Variants in FAM174B observed in about 807,000 individuals in gnomAD.
FAM174B encodes the protein membrane protein FAM174B.
A neutral mutation model predicts 10.9 loss-of-function variants in FAM174B; 12 were observed. That is an observed-to-expected ratio of 1.10 (90% CI 0.71 to 1.79). The LOEUF is 1.79. Ranked by LOEUF, FAM174B falls within the 40% of genes most tolerant of loss-of-function variation. The probability of loss-of-function intolerance (pLI) is 0.00; values close to 1 mark genes in which losing one functional copy is unlikely to be tolerated. For missense variants in FAM174B, 266 were observed against 233.3 expected (o/e 1.14, Z -0.91); for synonymous variants, 132 against 115.8 (o/e 1.14, Z -0.90).
chr15:92,619,585 G>T, intron 2 of FAM174B, 126 bp from the exon 3 acceptor site: 1 of 1,103,618 alleles, frequency 9.1e-7, no homozygotes, highest in Non-Finnish European at 1.3e-6. Flanking sequence ...CCCAGCCACA[G>T]GACCTTTGAG....
At chr15:92,623,197 C>G (rs1399940394) in intron 2 of FAM174B, among the ~76,000 whole-genome samples, 1 of 151,954 alleles carries the variant, frequency 6.6e-6, no homozygotes, top group Non-Finnish European at 1.5e-5. Flanking sequence ...CCTGCTGTCT[C>G]CCACTCTCAA....
At chr15:92,631,216 T>A (rs1246404692) in intron 1 of FAM174B, among the ~76,000 whole-genome samples, 1 of 14,652 alleles carries the variant, frequency 6.8e-5, no homozygotes, top group African/African-American at 2.8e-4. Context: ...ATATTATATA[T>A]TATATTATAT....
intron 1 of FAM174B, among the ~76,000 whole-genome samples, chr15:92,652,409 A>G (rs957686747): frequency 1.3e-5 from 2 of 152,174 alleles, no homozygotes; most frequent in Admixed American, 1.3e-4. Context: ...CAGGCCACGC[A>G]GTGCCTCCAG....
At chr15:92,625,159 T>TCCCC (rs1425453720) in intron 2 of FAM174B, among the ~76,000 whole-genome samples, 1 of 142,450 alleles carries the variant, frequency 7.0e-6, no homozygotes, top group African/African-American at 2.5e-5. Context: ...CCTCCCTCCC[T>TCCCC]CCCCAAACTC....
rs1023887426 is a variant in FAM174B, at chr15:92,619,030, A to G, written c.*426T>C. On this transcript the variant is annotated 3_prime_UTR_variant, in exon 3 of 3. Transcript: ENST00000327355. ...CCAATGTGTAGATCCAGTAGAGAAG[A>G]ATGTCGGAAATTCTAAATACACAGT... 16 of 419,574 alleles carry G rather than the reference A, an allele frequency of 3.8e-5. No individual in the cohort carries two copies. The highest frequency in any genetic ancestry group is 6.3e-5 in the Non-Finnish European group (15 of 238,888). The allele number at this position is 419,574 out of a possible 1,614,324, so 26.0% of individuals were successfully genotyped here.
Position 92,655,157 on chromosome 15 carries a change from G to A in FAM174B, c.344+159C>T, listed in dbSNP as rs1006389734. 41 of 1,039,008 alleles carry A rather than the reference G, an allele frequency of 3.9e-5. No homozygotes were observed. The African/African-American group carries it at 4.4e-4, about 11-fold the overall frequency. The allele number at this position is 1,039,008 out of a possible 1,614,324, so 64.4% of individuals were successfully genotyped here. On this transcript the variant is annotated intron_variant, in intron 1 of 2. Transcript: ENST00000327355. The stretch of plus-strand genomic sequence containing the variant: ...AGGAAAATCCAGACGAGCACACCCC[G>A]GCCCCCCACCCACTCTCCCGGGCAG...
chr15:92,645,667 G>C (rs2050921742), intron 1 of FAM174B: 1 of 152,386 alleles, frequency 6.6e-6, no homozygotes, highest in East Asian at 1.9e-4. Flanking sequence ...AAGCAGAGAA[G>C]GTAGCCCCTA....
At chr15:92,641,513 C>T (rs982336564) in intron 1 of FAM174B, among the ~76,000 whole-genome samples, 6 of 152,234 alleles carry the variant, frequency 3.9e-5, no homozygotes, top group South Asian at 2.1e-4. Context: ...AATAACCACT[C>T]AGACACACAA....
In FAM174B at chr15:92,655,629, G is replaced by C. The variant is rs1315843512; in HGVS notation, c.31C>G (p.Leu11Val). 1.6e-6 allele frequency: 2 copies of C among 1,259,872 alleles called. No individual in the cohort carries two copies. Among genetic ancestry groups the C allele is most frequent in the Non-Finnish European group, 2.0e-6 (2 of 1,007,324 alleles). 78.0% of individuals were successfully genotyped at this position (1,259,872 alleles called of 1,614,324 possible). MRAVPLPAPL[L>V]PLLLLALLAA... is the part of the protein sequence containing the mutation. ...AGGAGCGCGAGCAGCAGCAGCGGCA[G>C]GAGCGGGGCGGGCAGCGGCACGGCG... Residue 11 changes from leucine (L) to valine (V), a missense_variant, in exon 1 of 3, where the codon CTG becomes GTG. Physicochemically the swap from Leu to Val is conservative, Grantham distance 32. Coordinates refer to ENST00000327355, the MANE Select transcript of FAM174B (RefSeq NM_207446.3).
At chr15:92,638,499 G>A (rs1013119635) in intron 1 of FAM174B, among the ~76,000 whole-genome samples, 1 of 152,144 alleles carries the variant, frequency 6.6e-6, no homozygotes, top group African/African-American at 2.4e-5. Flanking sequence ...CCTCACCCAC[G>A]AAGAGAATAA....
At chr15:92,650,147 T>A (rs572067585) in intron 1 of FAM174B, among the ~76,000 whole-genome samples, 1 of 152,258 alleles carries the variant, frequency 6.6e-6, no homozygotes, top group Non-Finnish European at 1.5e-5. Flanking sequence ...ATTAAGCTTT[T>A]ATATTTTCTT....
At chr15:92,629,315 C>T (rs1206869642) in intron 2 of FAM174B, among the ~76,000 whole-genome samples, 5 of 152,210 alleles carry the variant, frequency 3.3e-5, no homozygotes, top group Admixed American at 6.5e-5. Context: ...ATTCAAAGTA[C>T]ACCTCAAAAT....
In FAM174B at chr15:92,635,097, C is replaced by CCTCT. The variant is rs548982533; in HGVS notation, c.345-4756_345-4753dup. The stretch of plus-strand genomic sequence containing the variant: ...ACATCAGCTGATTCCTTACGATAAG[C>CCTCT]CTCTCTCTCTCTCTCTTTCTCTGTC... On this transcript the variant is annotated intron_variant, in intron 1 of 2. Coordinates refer to ENST00000327355, the MANE Select transcript of FAM174B (RefSeq NM_207446.3). Among the ~76,000 whole-genome samples the CCTCT allele has an allele frequency of 7.6e-3, 704 of 93,230 alleles. 1 individual carries two copies. The highest frequency in any genetic ancestry group is 0.042 in the Middle Eastern group (7 of 166). 61.2% of individuals were successfully genotyped at this position (93,230 alleles called of 152,430 possible).
rs142000340 is a variant in FAM174B, at chr15:92,650,509, C to T, written c.344+4807G>A. 3.7e-4 allele frequency among the ~76,000 whole-genome samples: 56 copies of T among 152,284 alleles called. No individual in the cohort carries two copies. The East Asian group carries it at 9.3e-3, about 25-fold the overall frequency. On this transcript the variant is annotated intron_variant, in intron 1 of 2. Transcript: ENST00000327355. Reference sequence around the variant, plus strand: ...CTGCACCGTGGAGTTCGGAGACTCTCCAAGACTGGGAAAGGATCCCCAGGA... The same window carrying T: ...CTGCACCGTGGAGTTCGGAGACTCTTCAAGACTGGGAAAGGATCCCCAGGA...
At chr15:92,622,110 C>T (rs918304394) in intron 2 of FAM174B, among the ~76,000 whole-genome samples, 11 of 152,206 alleles carry the variant, frequency 7.2e-5, no homozygotes, top group Non-Finnish European at 1.5e-4. Flanking sequence ...AACTCTGTAC[C>T]GCTGCCATGC....
At chr15:92,619,555 C>A in intron 2 of FAM174B, 96 bp from the exon 3 acceptor site, 1 of 1,435,392 alleles carries the variant, frequency 7.0e-7, no homozygotes, top group East Asian at 2.3e-5. Context: ...ACCCTCTCAG[C>A]CAGTGAAAAG....
At chr15:92,633,510 A>G (rs1267586071) in intron 1 of FAM174B, among the ~76,000 whole-genome samples, 2 of 152,200 alleles carry the variant, frequency 1.3e-5, no homozygotes, top group Non-Finnish European at 2.9e-5. Context: ...ATGATACCCA[A>G]GCCTTATCAC....
At chr15:92,650,608 G>A (rs1482114307) in intron 1 of FAM174B, among the ~76,000 whole-genome samples, 1 of 152,214 alleles carries the variant, frequency 6.6e-6, no homozygotes, top group Admixed American at 6.5e-5. Context: ...AGACACCAGA[G>A]CGTAAAGTCA....
chr15:92,651,204 T>C (rs1432852033), intron 1 of FAM174B, among the ~76,000 whole-genome samples: 2 of 152,224 alleles, frequency 1.3e-5, no homozygotes, highest in African/African-American at 2.4e-5. Flanking sequence ...CCTCAGGCTC[T>C]GCAGATGGAA....
Sources: allele counts gnomAD v4.1 joint callset (sites outside exome capture counted in the v4.1 genomes callset), GRCh38; gene constraint gnomAD v4.1.1; transcripts MANE v1.5; gene names NCBI Gene and HGNC (gene_info 2026-07-23, HGNC 2026-07-21).